Variants in SCRG1 observed in about 807,000 individuals in gnomAD.
SCRG1 encodes the protein stimulator of chondrogenesis 1.
A neutral mutation model predicts 7.7 loss-of-function variants in SCRG1; 3 were observed. That is an observed-to-expected ratio of 0.39 (90% CI 0.18 to 1.01). The LOEUF is 1.01. Ranked by LOEUF, SCRG1 falls within the 50% of genes least tolerant of loss-of-function variation. The pLI is 0.36. For missense variants in SCRG1, 110 were observed against 117.2 expected, an observed-to-expected ratio of 0.94 and a Z score of 0.28; for synonymous variants, 46 against 41.2, an observed-to-expected ratio of 1.12 and a Z score of -0.44.
chr4:173,487,127 T>A, the SCRG1 span, among the ~76,000 whole-genome samples: 1 of 152,212 alleles, frequency 6.6e-6, no homozygotes, highest in Non-Finnish European at 1.5e-5. Context: ...CAATTTTTTA[T>A]TTTAAATTCT....
chr4:173,388,185 C>G lies in SCRG1; in HGVS notation c.*156G>C. 4.1e-6 allele frequency: 2 copies of G among 485,860 alleles called. No individual in the cohort carries two copies. The highest frequency in any genetic ancestry group is 7.2e-6 in the Non-Finnish European group (2 of 276,598). 30.1% of individuals were successfully genotyped at this position (485,860 alleles called of 1,614,324 possible). Reference sequence around the variant, plus strand: ...AATTAGATTGAATTAACTTTTATTACTACTTGTTTAACACAGATTTACTTG... The same window carrying G: ...AATTAGATTGAATTAACTTTTATTAGTACTTGTTTAACACAGATTTACTTG... On this transcript the variant is annotated 3_prime_UTR_variant, in exon 3 of 3. Transcript: ENST00000296506.
upstream of SCRG1, chr4:173,399,404 C>G (rs1739694492): frequency 6.6e-6 from 1 of 150,810 alleles, no homozygotes. Context: ...ACTCTGGTAG[C>G]AATAAAACAT....
the SCRG1 span, among the ~76,000 whole-genome samples, chr4:173,428,753 G>A: frequency 6.6e-6 from 1 of 152,240 alleles, no homozygotes; most frequent in Admixed American, 6.5e-5. Context: ...TGTGGTGGAT[G>A]TAACCAGTAC....
chr4:173,432,014 A>G, the SCRG1 span, among the ~76,000 whole-genome samples: 1 of 152,230 alleles, frequency 6.6e-6, no homozygotes, highest in Non-Finnish European at 1.5e-5. Context: ...TCCAGATAGG[A>G]ATCACTTGTC....
the SCRG1 span, among the ~76,000 whole-genome samples, chr4:173,443,827 G>A: frequency 6.6e-6 from 1 of 151,766 alleles, no homozygotes; most frequent in African/African-American, 2.4e-5. Flanking sequence ...CACTATACTT[G>A]GATTCTTCTG....
chr4:173,484,777 A>C, the SCRG1 span, among the ~76,000 whole-genome samples: 1 of 95,252 alleles, frequency 1.0e-5, no homozygotes, highest in Non-Finnish European at 1.8e-5. Context: ...ATTATATATT[A>C]TATACATGTA....
chr4:173,442,830 C>T, the SCRG1 span, among the ~76,000 whole-genome samples: 1 of 152,182 alleles, frequency 6.6e-6, no homozygotes, highest in Non-Finnish European at 1.5e-5. Context: ...AGGTAATTAA[C>T]ACACTGGCAT....
chr4:173,471,592 A>G, the SCRG1 span, among the ~76,000 whole-genome samples: 2 of 152,158 alleles, frequency 1.3e-5, no homozygotes, highest in Non-Finnish European at 2.9e-5. Context: ...GAAAAAAAAA[A>G]TGTTCAGGCA....
chr4:173,444,891 TG>T, the SCRG1 span, among the ~76,000 whole-genome samples: 3 of 152,186 alleles, frequency 2.0e-5, no homozygotes, highest in Non-Finnish European at 4.4e-5. Flanking sequence ...CTCCAAGCTA[TG>T]GAAATTAATA....
At chr4:173,466,963 A>T in the SCRG1 span, among the ~76,000 whole-genome samples, 1 of 152,116 alleles carries the variant, frequency 6.6e-6, no homozygotes, top group Non-Finnish European at 1.5e-5. Context: ...TTGGCTATCA[A>T]CTAATTTCTC....
chr4:173,396,712 T>TTGTGTGTGTG (rs71594043), intron 1 of SCRG1, among the ~76,000 whole-genome samples: 30,722 of 106,758 alleles, frequency 0.29, 4,010 homozygotes, highest in Admixed American at 0.42. Flanking sequence ...ACTGGTAGTT[T>TTGTGTGTGTG]TGTGTGTGTG....
chr4:173,428,881 A>G, the SCRG1 span, among the ~76,000 whole-genome samples: 2 of 152,240 alleles, frequency 1.3e-5, no homozygotes, highest in Non-Finnish European at 2.9e-5. Flanking sequence ...TCTAACCAAC[A>G]TGTAAATTTG....
At chr4:173,511,432 G>GT in the SCRG1 span, among the ~76,000 whole-genome samples, 1 of 151,992 alleles carries the variant, frequency 6.6e-6, no homozygotes, top group Non-Finnish European at 1.5e-5. The surrounding 1 kb of genome is among the most constrained non-coding windows in gnomAD (Gnocchi z 5.2). Context: ...TTTTTTGTTT[G>GT]TTTGTTTTGT....
the SCRG1 span, among the ~76,000 whole-genome samples, chr4:173,484,681 T>TAC: frequency 1.1e-4 from 11 of 95,716 alleles, no homozygotes; most frequent in African/African-American, 4.1e-4. Context: ...TGATGTATAA[T>TAC]ATATATTATA....
chr4:173,485,488 C>A, the SCRG1 span, among the ~76,000 whole-genome samples: 1 of 151,590 alleles, frequency 6.6e-6, no homozygotes, highest in East Asian at 1.9e-4. Context: ...CAGACAAACC[C>A]AGCAGAAGAA....
chr4:173,458,220 G>A, the SCRG1 span, among the ~76,000 whole-genome samples: 6 of 152,152 alleles, frequency 3.9e-5, no homozygotes, highest in African/African-American at 1.4e-4. Flanking sequence ...ATCCTGATAA[G>A]GTCTGAGGGG....
chr4:173,449,463 A>G, the SCRG1 span, among the ~76,000 whole-genome samples: 2 of 92,466 alleles, frequency 2.2e-5, no homozygotes, highest in African/African-American at 9.6e-5. Context: ...TTTGGTTTGT[A>G]TCTCCTGGTC....
the SCRG1 span, among the ~76,000 whole-genome samples, chr4:173,447,126 G>A: frequency 6.6e-6 from 1 of 152,200 alleles, no homozygotes; most frequent in Non-Finnish European, 1.5e-5. Flanking sequence ...ATTTCTCACA[G>A]TGCTGGAGGC....
the SCRG1 span, among the ~76,000 whole-genome samples, chr4:173,430,489 A>G: frequency 1.3e-5 from 2 of 152,102 alleles, no homozygotes; most frequent in Non-Finnish European, 2.9e-5. Context: ...ACAATTCTAA[A>G]TTACAAAATA....
Sources: allele counts gnomAD v4.1 joint callset (sites outside exome capture counted in the v4.1 genomes callset), GRCh38; gene constraint gnomAD v4.1.1; non-coding constraint Gnocchi (gnomAD v3.1); transcripts MANE v1.5; gene names NCBI Gene and HGNC (gene_info 2026-07-23, HGNC 2026-07-21).